OVCH1: variants seen among roughly 807,000 people sequenced by gnomAD.
OVCH1 encodes the protein ovochymase-1.
OVCH1 carries 139 observed loss-of-function variants against 138.4 expected under a neutral mutation model. The ratio of observed to expected loss-of-function variants is 1.00; its 90% CI spans 0.87 to 1.16. The LOEUF (loss-of-function observed/expected upper bound fraction) is 1.16. OVCH1 is among the 50% of genes most tolerant of loss of function. OVCH1 has a pLI of 0.00. For missense variants in OVCH1, 1,367 were observed against 1,357.9 expected (o/e 1.01, Z -0.11); for synonymous variants, 453 against 467.8 (o/e 0.97, Z 0.41).
intron 16 of OVCH1, among the ~76,000 whole-genome samples, chr12:29,466,486 T>C (rs1942326218): frequency 1.3e-5 from 2 of 149,150 alleles, no homozygotes; most frequent in African/African-American, 5.2e-5. Context: ...GATCGTCATC[T>C]TTTGTTAAAT....
chr12:29,418,647 A>G (rs1396911212), intron 3 of OVCH1, among the ~76,000 whole-genome samples: 2 of 152,216 alleles, frequency 1.3e-5, no homozygotes, highest in Non-Finnish European at 2.9e-5. Context: ...ATAGATCATC[A>G]TGAGGACAAA....
Position 29,418,016 on chromosome 12 carries a change from C to A in OVCH1, c.*71+5111G>T, listed in dbSNP as rs148411243. On this transcript the variant is annotated intron_variant and NMD_transcript_variant, in intron 3 of 4. Coordinates refer to the OVCH1 transcript ENST00000539117. ...AAAGAATGTAGAAACTGGTTACAGA[C>A]CCCTGTGTGTCCATGGAAAGGCATG... Among the ~76,000 whole-genome samples, 479 of 152,274 alleles carry A rather than the reference C, an allele frequency of 3.1e-3. 3 individuals are homozygous for A. Among genetic ancestry groups the A allele is most frequent in the African/African-American group, 8.8e-3 (367 of 41,554 alleles).
At chr12:29,436,915 G>C (rs1316239580) in intron 26 of OVCH1, among the ~76,000 whole-genome samples, 1 of 152,186 alleles carries the variant, frequency 6.6e-6, no homozygotes, top group African/African-American at 2.4e-5. Flanking sequence ...CATGGAAAGG[G>C]ACCCAAGCGG....
rs564756314 is a variant in OVCH1, at chr12:29,458,189, C to T, written c.2281-2784G>A. Among the ~76,000 whole-genome samples the T allele has an allele frequency of 3.3e-5, 5 of 152,058 alleles. No individual in the cohort carries two copies. The East Asian group carries it at 7.8e-4, about 24-fold the overall frequency. On this transcript the variant is annotated intron_variant, in intron 19 of 27. Transcript: ENST00000318184. ...AAAGACTCAGAACAGCCAAGCAATC[C>T]TGAGCAAAAAGAACAGAATTGGAAT...
intron 12 of OVCH1, among the ~76,000 whole-genome samples, chr12:29,476,788 C>A (rs1359279753): frequency 1.5e-5 from 2 of 136,562 alleles, no homozygotes; most frequent in East Asian, 4.1e-4. Context: ...CACACACACA[C>A]ACACACACAC....
intron 27 of OVCH1, among the ~76,000 whole-genome samples, chr12:29,431,664 A>G (rs913165341): frequency 1.3e-5 from 2 of 152,184 alleles, no homozygotes; most frequent in Admixed American, 6.5e-5. Context: ...ACATATCATA[A>G]TTTCTCATAG....
intron 22 of OVCH1, among the ~76,000 whole-genome samples, chr12:29,448,997 C>G (rs1369897): frequency 0.062 from 9,443 of 152,076 alleles, 873 homozygotes; most frequent in African/African-American, 0.21. Context: ...TACACCTGTG[C>G]AAACAGGAGG....
In OVCH1 at chr12:29,494,845, G is replaced by C. The variant is rs78549126; in HGVS notation, c.454+440C>G. 5.4e-3 allele frequency among the ~76,000 whole-genome samples: 818 copies of C among 152,276 alleles called. 9 individuals are homozygous for C. Among genetic ancestry groups the C allele is most frequent in the African/African-American group, 0.019 (772 of 41,552 alleles). On this transcript the variant is annotated intron_variant, in intron 4 of 27. Transcript: ENST00000318184. Reference sequence around the variant, plus strand: ...GAGGAGGGGAGGATGAAGTGGGGTTGATTAACGGATACAAATATACACTTA... The same window carrying C: ...GAGGAGGGGAGGATGAAGTGGGGTTCATTAACGGATACAAATATACACTTA...
chr12:29,497,252 A>T (rs1943443362), intron 1 of OVCH1, among the ~76,000 whole-genome samples: 1 of 152,056 alleles, frequency 6.6e-6, no homozygotes, highest in African/African-American at 2.4e-5. Flanking sequence ...ACAGAGCCAG[A>T]CCCTGTCTCA....
chr12:29,475,061 C>T, exon 14 of OVCH1: 1 of 1,583,284 alleles, frequency 6.3e-7, no homozygotes. Flanking sequence ...TTATACTCAC[C>T]TGAGGGCAAA....
chr12:29,425,437 C>T (rs1941165372), downstream of OVCH1, among the ~76,000 whole-genome samples: 1 of 152,106 alleles, frequency 6.6e-6, no homozygotes, highest in Non-Finnish European at 1.5e-5. Context: ...GAAGATATGA[C>T]CTGGAACTTA....
intron 16 of OVCH1, among the ~76,000 whole-genome samples, chr12:29,470,724 G>T (rs1401148158): frequency 6.6e-6 from 1 of 152,094 alleles, no homozygotes; most frequent in African/African-American, 2.4e-5. Context: ...AATCTTTTGG[G>T]TATATACCCA....
intron 25 of OVCH1, 85 bp from the exon 26 acceptor site, chr12:29,440,829 C>G (rs1011693180): frequency 1.8e-5 from 8 of 433,968 alleles, no homozygotes; most frequent in Non-Finnish European, 3.3e-5. Flanking sequence ...AGCAGTTTAG[C>G]AATTGGATTT....
chr12:29,414,659 G>A (rs957789828), intron 3 of OVCH1, among the ~76,000 whole-genome samples: 2 of 152,038 alleles, frequency 1.3e-5, no homozygotes, highest in Non-Finnish European at 2.9e-5. Flanking sequence ...ACTATGTCAA[G>A]AATCTTTAAA....
exon 6 of OVCH1, chr12:29,489,731 G>T: frequency 6.2e-7 from 1 of 1,611,010 alleles, no homozygotes; most frequent in South Asian, 1.1e-5. Context: ...CATCCATGAT[G>T]GGAAGTTCCA....
intron 27 of OVCH1, among the ~76,000 whole-genome samples, chr12:29,432,808 G>A: frequency 6.6e-6 from 1 of 152,138 alleles, no homozygotes; most frequent in African/African-American, 2.4e-5. Context: ...GACTCTGAAG[G>A]AGACCAGTGA....
chr12:29,434,914 G>A (rs1245596069), intron 26 of OVCH1, among the ~76,000 whole-genome samples: 1 of 152,124 alleles, frequency 6.6e-6, no homozygotes, highest in East Asian at 1.9e-4. Flanking sequence ...AAATCAACTA[G>A]GACATAATGC....
chr12:29,478,973 G>A lies in OVCH1; in HGVS notation c.996-65C>T, dbSNP rs1942836046. The A allele has an allele frequency of 2.7e-6, 3 of 1,121,582 alleles. No homozygotes were observed. The highest frequency in any genetic ancestry group is 5.4e-5 in the East Asian group (2 of 36,886). The allele number at this position is 1,121,582 out of a possible 1,614,324, so 69.5% of individuals were successfully genotyped here. On this transcript the variant is annotated intron_variant, in intron 8 of 27. Transcript: ENST00000318184. ...ATTATTTTCCAAACATATAAGCTGG[G>A]GTAGGGGAAGGTGAAGAAAATGTAA...
intron 16 of OVCH1, among the ~76,000 whole-genome samples, chr12:29,466,642 TGCA>T (rs1186653386): frequency 6.6e-6 from 1 of 152,184 alleles, no homozygotes; most frequent in Non-Finnish European, 1.5e-5. Flanking sequence ...GTACTAGTAA[TGCA>T]GTATTTTGTT....
Sources: gnomAD v4.1 joint callset for allele counts (sites outside exome capture counted in the v4.1 genomes callset) on GRCh38, gnomAD v4.1.1 for gene constraint, MANE v1.5 for transcripts, NCBI Gene and HGNC (gene_info 2026-07-23, HGNC 2026-07-21) for gene names.